The following GALNTL6 variants were observed in gnomAD, a reference collection of about 807,000 sequenced individuals.
GALNTL6 encodes polypeptide N-acetylgalactosaminyltransferase-like 6.
Under a neutral mutation model 73.7 loss-of-function variants are expected in GALNTL6, and 46 were observed. That is an observed-to-expected ratio of 0.62 (90% CI 0.49 to 0.80). GALNTL6 has a LOEUF of 0.80. Among genes scored for constraint, GALNTL6 ranks in the 30% least tolerant of loss-of-function variants. The pLI, the probability that GALNTL6 is intolerant of heterozygous loss-of-function variation, is 0.00. For synonymous variants in GALNTL6, 259 were observed against 263.7 expected, an observed-to-expected ratio of 0.98 and a Z score of 0.17; for missense variants, 604 against 755.0, an observed-to-expected ratio of 0.80 and a Z score of 2.34.
At chr4:172,628,141 C>G (rs527681393) in intron 5 of GALNTL6, among the ~76,000 whole-genome samples, 95 of 152,162 alleles carry the variant, frequency 6.2e-4, no homozygotes, top group Non-Finnish European at 5.3e-4. Context: ...CTTATATTGT[C>G]TGACTCTTTT....
chr4:171,825,089 C>T (rs1349682238), intron 2 of GALNTL6, among the ~76,000 whole-genome samples: 1 of 152,048 alleles, frequency 6.6e-6, no homozygotes, highest in African/African-American at 2.4e-5. Flanking sequence ...AGGGAAAAAA[C>T]GATCTTTTAA....
At chr4:172,318,158 A>G (rs1458072086) in intron 4 of GALNTL6, among the ~76,000 whole-genome samples, 1 of 152,236 alleles carries the variant, frequency 6.6e-6, no homozygotes, top group Non-Finnish European at 1.5e-5. Context: ...TTGTATGCAC[A>G]GTAATACAGA....
At chr4:171,814,995 C>T in intron 2 of GALNTL6, 1 of 518,088 alleles carries the variant, frequency 1.9e-6, no homozygotes, top group East Asian at 3.0e-5. Flanking sequence ...TTGATTTTGA[C>T]TTGAGGTGGA....
intron 5 of GALNTL6, among the ~76,000 whole-genome samples, chr4:172,377,372 C>T (rs1743070516): frequency 6.6e-6 from 1 of 152,112 alleles, no homozygotes; most frequent in Non-Finnish European, 1.5e-5. Flanking sequence ...GTTTACAAAC[C>T]TTTAGCTAGA....
intron 3 of GALNTL6, among the ~76,000 whole-genome samples, chr4:172,251,515 A>G (rs1227324971): frequency 6.6e-6 from 1 of 152,180 alleles, no homozygotes; most frequent in African/African-American, 2.4e-5. Flanking sequence ...CCTGCATATC[A>G]GGCTGGCACA....
At chr4:172,158,881 TAAG>T (rs569794121) in intron 2 of GALNTL6, among the ~76,000 whole-genome samples, 71 of 152,206 alleles carry the variant, frequency 4.7e-4, no homozygotes, top group Non-Finnish European at 7.6e-4. Flanking sequence ...ATTCTACAAA[TAAG>T]AAAAAATGTA....
At chr4:172,403,016 A>G (rs1360842838) in intron 5 of GALNTL6, among the ~76,000 whole-genome samples, 1 of 152,058 alleles carries the variant, frequency 6.6e-6, no homozygotes, top group Non-Finnish European at 1.5e-5. Context: ...ATTAGTCCGT[A>G]TCTTCACATA....
chr4:171,894,730 G>A (rs910090311), intron 2 of GALNTL6, among the ~76,000 whole-genome samples: 9 of 152,040 alleles, frequency 5.9e-5, no homozygotes, highest in South Asian at 2.1e-4. Context: ...ATACTGAATC[G>A]CCCCAAAATA....
chr4:173,015,963 C>T (rs896547725), intron 11 of GALNTL6, among the ~76,000 whole-genome samples: 3 of 152,186 alleles, frequency 2.0e-5, no homozygotes, highest in African/African-American at 4.8e-5. Flanking sequence ...GACACGGTGC[C>T]GTGTCCCAGC....
intron 5 of GALNTL6, among the ~76,000 whole-genome samples, chr4:172,351,514 A>G (rs1259062718): frequency 6.6e-6 from 1 of 152,132 alleles, no homozygotes; most frequent in East Asian, 1.9e-4. Flanking sequence ...AAGAAAAGGA[A>G]GATACCCCTA....
chr4:172,600,103 G>A (rs766231208), intron 5 of GALNTL6, among the ~76,000 whole-genome samples: 11 of 151,900 alleles, frequency 7.2e-5, no homozygotes, highest in Admixed American at 1.3e-4. Context: ...TGTAGGATTC[G>A]GACACTCTTT....
rs78354690 is a variant in GALNTL6, at chr4:172,602,390, G to T, written c.554-206971G>T. The stretch of plus-strand genomic sequence containing the variant: ...ATTAGTACATATTATGGGGTTTATT[G>T]CATAATATGTATAACAGTACTATAA... On this transcript the variant is annotated intron_variant, in intron 5 of 12. Transcript: ENST00000506823. 3.2e-3 allele frequency among the ~76,000 whole-genome samples: 481 copies of T among 152,116 alleles called. 8 individuals are homozygous for T. The East Asian group carries it at 0.059, about 19-fold the overall frequency.
At chr4:172,388,436 G>T (rs533188945) in intron 5 of GALNTL6, among the ~76,000 whole-genome samples, 2 of 152,078 alleles carry the variant, frequency 1.3e-5, no homozygotes, top group Non-Finnish European at 2.9e-5. Flanking sequence ...TTACATATAT[G>T]CCACAGAAAG....
chr4:172,963,976 C>T (rs985828280), intron 10 of GALNTL6, among the ~76,000 whole-genome samples: 1 of 152,170 alleles, frequency 6.6e-6, no homozygotes, highest in African/African-American at 2.4e-5. Flanking sequence ...AGAAGTCATT[C>T]CATCCTCTGG....
chr4:172,546,417 A>G (rs1295440294), intron 5 of GALNTL6, among the ~76,000 whole-genome samples: 2 of 152,022 alleles, frequency 1.3e-5, no homozygotes, highest in Non-Finnish European at 2.9e-5. Context: ...TCCAGACTCT[A>G]CCACTATGCA....
At chr4:172,865,243 C>A (rs1744601907) in intron 7 of GALNTL6, among the ~76,000 whole-genome samples, 1 of 152,208 alleles carries the variant, frequency 6.6e-6, no homozygotes, top group South Asian at 2.1e-4. Flanking sequence ...TCATCTGGGT[C>A]TAGTGACCCA....
chr4:172,214,238 G>A (rs1055747912), intron 2 of GALNTL6, among the ~76,000 whole-genome samples: 1 of 152,134 alleles, frequency 6.6e-6, no homozygotes, highest in East Asian at 1.9e-4. Context: ...TGAGTCCTCT[G>A]ACTGTCCCTT....
Position 171,814,414 on chromosome 4 carries a change from G to A in GALNTL6, c.-167G>A. 3 of 648,580 alleles carry A rather than the reference G, an allele frequency of 4.6e-6. No homozygotes were observed. Among genetic ancestry groups the A allele is most frequent in the Non-Finnish European group, 8.0e-6 (3 of 377,190 alleles). 40.2% of individuals were successfully genotyped at this position (648,580 alleles called of 1,614,324 possible). On this transcript the variant is annotated splice_region_variant and 5_prime_UTR_variant, in exon 2 of 13. The change abolishes an upstream ATG in the 5' untranslated region. Transcript: ENST00000506823. ...GTAACTGTGCGTTTGTTCTGCAGAT[G>A]GCCAACTCCCTCTGAATCCTGCAGA...
chr4:172,250,992 AT>A (rs1239255343), intron 3 of GALNTL6, among the ~76,000 whole-genome samples: 1 of 152,044 alleles, frequency 6.6e-6, no homozygotes, highest in African/African-American at 2.4e-5. Context: ...ATACAGACAC[AT>A]TGGGCCCAGG....
Sources: gnomAD v4.1 joint callset for allele counts (sites outside exome capture counted in the v4.1 genomes callset) on GRCh38, gnomAD v4.1.1 for gene constraint, MANE v1.5 for transcripts, NCBI Gene and HGNC (gene_info 2026-07-23, HGNC 2026-07-21) for gene names.